Variants in CCZ1B observed in about 807,000 individuals in gnomAD.
CCZ1B encodes the protein vacuolar fusion protein CCZ1 homolog B.
In CCZ1B, 25 loss-of-function variants were observed where a neutral mutation model predicts 58.8. That is an observed-to-expected ratio of 0.43 (90% CI 0.31 to 0.59). The LOEUF is 0.59. Ranked by LOEUF, CCZ1B falls within the 20% of genes least tolerant of loss-of-function variation. The probability of loss-of-function intolerance (pLI) is 0.12; values close to 1 mark genes in which losing one functional copy is unlikely to be tolerated. For synonymous variants in CCZ1B, 66 were observed against 173.2 expected, an observed-to-expected ratio of 0.38 and a Z score of 4.86; for missense variants, 180 against 501.5, an observed-to-expected ratio of 0.36 and a Z score of 6.12.
At chr7:6,822,142 T>G in intron 6 of CCZ1B, 139 bp downstream of exon 6, 2 of 1,273,424 alleles carry the variant, frequency 1.6e-6, no homozygotes, top group South Asian at 3.0e-5. Flanking sequence ...GCTCCAGTTT[T>G]GCGACGGTCT....
At chr7:6,815,315 G>A (rs1393294457) in intron 7 of CCZ1B, among the ~76,000 whole-genome samples, 4 of 148,318 alleles carry the variant, frequency 2.7e-5, no homozygotes, top group Non-Finnish European at 4.4e-5. Context: ...ACAGGCATGC[G>A]CCACCATCAG....
intron 6 of CCZ1B, among the ~76,000 whole-genome samples, chr7:6,820,400 A>C (rs62441858): frequency 0.25 from 37,416 of 148,012 alleles, 5,038 homozygotes; most frequent in South Asian, 0.47. Context: ...GGATGGTCTC[A>C]ATCTCCTGAC....
chr7:6,816,762 T>C (rs1389975300), intron 7 of CCZ1B, among the ~76,000 whole-genome samples: 3 of 151,528 alleles, frequency 2.0e-5, no homozygotes, highest in Admixed American at 6.6e-5. Flanking sequence ...GTGCTGTTTT[T>C]CTTTTTCTTA....
At position 6,816,395 on chromosome 7, in the gene CCZ1B, C is replaced by T. The variant is rs933744965; in HGVS notation, c.699-1550G>A. Among the ~76,000 whole-genome samples the T allele has an allele frequency of 3.0e-4, 45 of 148,702 alleles. 1 individual carries two copies. Among genetic ancestry groups the T allele is most frequent in the East Asian group, 1.5e-3 (8 of 5,172 alleles). Reference sequence around the variant, plus strand: ...ACTTGGGAGACTGAGGCATGAGAATCGCTTGAACCTGGGAGGCGCAGGCTG... The same window carrying T: ...ACTTGGGAGACTGAGGCATGAGAATTGCTTGAACCTGGGAGGCGCAGGCTG... On this transcript the variant is annotated intron_variant, in intron 7 of 14. Coordinates refer to ENST00000316731, the MANE Select transcript of CCZ1B (RefSeq NM_198097.5).
intron 4 of CCZ1B, 92 bp from the exon 5 acceptor site, chr7:6,823,452 A>G (rs901732041): frequency 2.4e-5 from 37 of 1,573,824 alleles, no homozygotes; most frequent in Non-Finnish European, 3.0e-5. Context: ...TCTTGGCCAA[A>G]CAGTATAATG....
chr7:6,823,435 C>T, intron 4 of CCZ1B, 75 bp from the exon 5 acceptor site: 3 of 1,579,254 alleles, frequency 1.9e-6, no homozygotes, highest in East Asian at 2.3e-5. Context: ...GGCAAAGGTA[C>T]ACTGACTCTT....
intron 6 of CCZ1B, among the ~76,000 whole-genome samples, chr7:6,821,175 G>A (rs1472500846): frequency 1.3e-5 from 2 of 149,376 alleles, no homozygotes; most frequent in African/African-American, 2.5e-5. Context: ...CGCCCAGCTA[G>A]TTTTTTGGTA....
chr7:6,802,136 A>G (rs1387657912), intron 12 of CCZ1B, among the ~76,000 whole-genome samples: 1 of 97,068 alleles, frequency 1.0e-5, no homozygotes, highest in Non-Finnish European at 2.1e-5. Context: ...TCATGAGGGA[A>G]GCCTACGACA....
intron 7 of CCZ1B, among the ~76,000 whole-genome samples, chr7:6,818,577 C>CAGACAGAAAGAA (rs1562431193): frequency 7.7e-5 from 10 of 130,560 alleles, no homozygotes; most frequent in African/African-American, 2.3e-4. Context: ...GAAAGAAAGA[C>CAGACAGAAAGAA]AGAAAGAAAG....
intron 6 of CCZ1B, among the ~76,000 whole-genome samples, chr7:6,820,596 A>G (rs1439350207): frequency 2.0e-5 from 3 of 148,666 alleles, no homozygotes; most frequent in African/African-American, 7.6e-5. Context: ...GAATACAGGC[A>G]TGAGCCACTG....
At chr7:6,825,651 A>T (rs1783183999) in intron 1 of CCZ1B, among the ~76,000 whole-genome samples, 1 of 120,616 alleles carries the variant, frequency 8.3e-6, no homozygotes, top group African/African-American at 3.3e-5. Context: ...CCACACACAC[A>T]CACACACACA....
chr7:6,810,012 GTTT>G (rs1207271429), intron 10 of CCZ1B, among the ~76,000 whole-genome samples: 1 of 146,078 alleles, frequency 6.8e-6, no homozygotes, highest in African/African-American at 2.5e-5. Context: ...TGTTGAACGT[GTTT>G]TTTTTTTTCT....
chr7:6,807,538 C>CCG (rs1782849968), intron 10 of CCZ1B, among the ~76,000 whole-genome samples: 1 of 149,764 alleles, frequency 6.7e-6, no homozygotes, highest in African/African-American at 2.4e-5. Flanking sequence ...TTTAGCTAGA[C>CCG]TATACAACAA....
rs1188524519 is a variant in CCZ1B, at chr7:6,824,538, G to T, written c.229C>A (p.Pro77Thr). Reference protein sequence around the residue: ...AIVQFTRTFSPSKPAKSLHTQ... With the variant: ...AIVQFTRTFSTSKPAKSLHTQ... Reference sequence around the variant, plus strand: ...TGTAAAGATTTTGCAGGTTTTGATGGGCTAAATGTCCTACAAAGGTTAAAA... The same window carrying T: ...TGTAAAGATTTTGCAGGTTTTGATGTGCTAAATGTCCTACAAAGGTTAAAA... Residue 77 changes from proline to threonine, a missense_variant, in exon 3 of 15, where the codon CCA (proline) becomes ACA (threonine). Pro to Thr is a conservative substitution (Grantham distance 38, BLOSUM62 -1). Coordinates refer to ENST00000316731, the MANE Select transcript of CCZ1B (RefSeq NM_198097.5). 6.2e-7 allele frequency: 1 copy of T among 1,608,752 alleles called. No homozygotes were observed. Among genetic ancestry groups the T allele is most frequent in the Non-Finnish European group, 8.5e-7 (1 of 1,179,052 alleles).
chr7:6,822,275 A>G lies in CCZ1B; in HGVS notation c.522+6T>C. 2 of 1,576,506 alleles carry G rather than the reference A, an allele frequency of 1.3e-6. No individual in the cohort carries two copies. The highest frequency in any genetic ancestry group is 1.7e-6 in the Non-Finnish European group (2 of 1,167,470). ...TAAAGTTATAAATGAAATTCAAAAT[A>G]CTTACCCGATGGAAGAATTTCTCTA... On this transcript the variant is annotated splice_donor_region_variant and intron_variant, in intron 6 of 14. Transcript: ENST00000316731.
intron 3 of CCZ1B, 84 bp from the exon 4 acceptor site, chr7:6,824,250 C>G (rs1783159866): frequency 3.8e-6 from 6 of 1,563,056 alleles, no homozygotes; most frequent in Non-Finnish European, 5.2e-6. Flanking sequence ...TTTGAACATG[C>G]TACAGCACCA....
intron 1 of CCZ1B, among the ~76,000 whole-genome samples, chr7:6,825,502 G>T (rs1454328700): frequency 7.7e-6 from 1 of 130,438 alleles, no homozygotes; most frequent in Non-Finnish European, 1.6e-5. Context: ...CTCCCATCTC[G>T]GCCTCCTAAA....
At chr7:6,800,633 C>T (rs1221245370) in intron 14 of CCZ1B, among the ~76,000 whole-genome samples, 2 of 137,134 alleles carry the variant, frequency 1.5e-5, no homozygotes, top group African/African-American at 5.6e-5. Context: ...TGCACCACTG[C>T]ACTCCAGCCT....
intron 1 of CCZ1B, among the ~76,000 whole-genome samples, chr7:6,825,238 T>C (rs1435519274): frequency 6.8e-6 from 1 of 146,128 alleles, no homozygotes; most frequent in Non-Finnish European, 1.5e-5. Flanking sequence ...AACTGACAAG[T>C]TGTTTTTTTT....
Sources: allele counts gnomAD v4.1 joint callset (sites outside exome capture counted in the v4.1 genomes callset), GRCh38; gene constraint gnomAD v4.1.1; transcripts MANE v1.5; gene names NCBI Gene and HGNC (gene_info 2026-07-23, HGNC 2026-07-21).